ADCY3: variants seen among roughly 807,000 people sequenced by gnomAD.
ADCY3 encodes adenylate cyclase type 3.
In ADCY3, 70 loss-of-function variants were observed where a neutral mutation model predicts 119.4. The ratio of observed to expected loss-of-function variants is 0.59; its 90% CI spans 0.48 to 0.72. The LOEUF is 0.72. Among genes scored for constraint, ADCY3 ranks in the 30% least tolerant of loss-of-function variants. The probability of loss-of-function intolerance (pLI) is 0.00; values close to 1 mark genes in which losing one functional copy is unlikely to be tolerated. For missense variants in ADCY3, 1,238 were observed against 1,541.6 expected (o/e 0.80, Z 3.30); for synonymous variants, 672 against 621.4 (o/e 1.08, Z -1.21).
At chr2:24,826,683 T>C (rs11125802) in intron 15 of ADCY3, 84,488 of 152,832 alleles carry the variant, frequency 0.55, 24,501 homozygotes, top group Admixed American at 0.71. Flanking sequence ...ACAGTGCCAC[T>C]TTGGACATTC....
At chr2:24,824,982 G>A (rs1189937111) in intron 16 of ADCY3, among the ~76,000 whole-genome samples, 1 of 152,210 alleles carries the variant, frequency 6.6e-6, no homozygotes, top group Non-Finnish European at 1.5e-5. Context: ...GTAAGACCCT[G>A]CAAAGATTGC....
intron 7 of ADCY3, among the ~76,000 whole-genome samples, chr2:24,839,163 A>G (rs1385372277): frequency 6.6e-6 from 1 of 152,102 alleles, no homozygotes; most frequent in African/African-American, 2.4e-5. Flanking sequence ...GCTGGTCTCA[A>G]ACTCTTGACC....
chr2:24,849,798 TC>T (rs71397446), intron 3 of ADCY3, among the ~76,000 whole-genome samples: 3 of 151,536 alleles, frequency 2.0e-5, no homozygotes, highest in Non-Finnish European at 4.4e-5. Flanking sequence ...GGAGGGGCCC[TC>T]CCCCTGCCAC....
chr2:24,853,726 T>C (rs979480916), intron 3 of ADCY3, among the ~76,000 whole-genome samples: 1 of 152,190 alleles, frequency 6.6e-6, no homozygotes, highest in African/African-American at 2.4e-5. Flanking sequence ...CCTCAGGTGA[T>C]CTGCCTGCCT....
intron 2 of ADCY3, among the ~76,000 whole-genome samples, chr2:24,886,285 C>T (rs6545789): frequency 0.097 from 14,701 of 152,106 alleles, 2,320 homozygotes; most frequent in African/African-American, 0.33. Flanking sequence ...TTCACATGCG[C>T]CAAAGCAAAC....
chr2:24,896,293 G>A (rs982494429), intron 2 of ADCY3, among the ~76,000 whole-genome samples: 1 of 152,092 alleles, frequency 6.6e-6, no homozygotes, highest in African/African-American at 2.4e-5. Flanking sequence ...GCTGAGGCAG[G>A]AGAATCGCTT....
In ADCY3 at chr2:24,834,796, T is replaced by C; in HGVS notation, c.1803A>G (p.Gln601=). ...GGACGCTTCCGGGTGGCGCTTACAC[T>C]TGGGCGGACTCTCGCTCAAGCAGGG... is the stretch of plus-strand genomic sequence containing the variant. ...NEALLERESA[Q]VVKKRNTFLL... is the part of the protein sequence containing the mutation. The change falls in exon 10 of 22, where the codon CAA becomes CAG. Residue 601 remains glutamine, a splice_region_variant and synonymous_variant. Transcript: ENST00000679454. This position sits in a 1 kb window ranked among gnomAD's most constrained non-coding sequence, Gnocchi z 4.2. 1 of 1,613,162 alleles carries C rather than the reference T, an allele frequency of 6.2e-7. No homozygotes were observed. Among genetic ancestry groups the C allele is most frequent in the Non-Finnish European group, 8.5e-7 (1 of 1,179,560 alleles).
intron 2 of ADCY3, among the ~76,000 whole-genome samples, chr2:24,908,292 T>C (rs6736210): frequency 0.52 from 78,865 of 151,362 alleles, 22,646 homozygotes; most frequent in African/African-American, 0.78. Context: ...CATTGCACTC[T>C]GGCCTGGGCA....
In ADCY3 at chr2:24,919,019, A is replaced by G; in HGVS notation, c.-32T>C. The G allele has an allele frequency of 6.6e-7, 1 of 1,517,504 alleles. No homozygotes were observed. Among genetic ancestry groups the G allele is most frequent in the South Asian group, 1.2e-5 (1 of 80,872 alleles). 94.0% of individuals were successfully genotyped at this position (1,517,504 alleles called of 1,614,324 possible). The stretch of plus-strand genomic sequence containing the variant: ...TGGTGTCTGCTACTGGCCCTAGAGA[A>G]GTGGACTGGGAACGGAGGAAGAGCT... On this transcript the variant is annotated 5_prime_UTR_variant, in exon 2 of 22. Coordinates refer to ENST00000679454, the MANE Select transcript of ADCY3 (RefSeq NM_004036.5). The surrounding 1 kb of genome is among the most constrained non-coding windows in gnomAD (Gnocchi z 5.5).
chr2:24,854,312 C>T (rs538507906), intron 3 of ADCY3, among the ~76,000 whole-genome samples: 14 of 152,222 alleles, frequency 9.2e-5, no homozygotes, highest in Non-Finnish European at 2.1e-4. Flanking sequence ...AAAATCAGAA[C>T]ATCTGTCAGA....
intron 3 of ADCY3, among the ~76,000 whole-genome samples, chr2:24,867,548 T>C (rs1674448929): frequency 6.6e-6 from 1 of 152,230 alleles, no homozygotes; most frequent in Non-Finnish European, 1.5e-5. Context: ...TAAATTTCTG[T>C]TCTTTATAAA....
chr2:24,862,129 G>A (rs1673733836), intron 3 of ADCY3, among the ~76,000 whole-genome samples: 1 of 152,164 alleles, frequency 6.6e-6, no homozygotes, highest in Non-Finnish European at 1.5e-5. Context: ...GTACAGACAG[G>A]TATCCACCAC....
Position 24,828,120 on chromosome 2 carries a change from C to T in ADCY3, c.2214G>A (p.Thr738=), listed in dbSNP as rs766366885. 4 of 1,613,962 alleles carry T rather than the reference C, an allele frequency of 2.5e-6. No individual in the cohort carries two copies. In the African/African-American group the frequency reaches 5.3e-5, roughly 22 times the overall value. The change falls in exon 14 of 22, where the codon ACG becomes ACA. Residue 738 remains threonine (T), a synonymous_variant. Coordinates refer to ENST00000679454, the MANE Select transcript of ADCY3 (RefSeq NM_004036.5). The part of the protein sequence containing the change: ...LQYYTGPSNA[T]AGMETEGSCL... ...AGCTGCCCTCCGTTTCCATCCCTGC[C>T]GTTGCATTGCTGGGTCCCGTGTAGT... is the stretch of plus-strand genomic sequence containing the variant.
At chr2:24,907,012 T>C (rs1662926095) in intron 2 of ADCY3, among the ~76,000 whole-genome samples, 1 of 152,018 alleles carries the variant, frequency 6.6e-6, no homozygotes. Flanking sequence ...GCACCTGTAA[T>C]CCCAGCTACT....
At chr2:24,820,546 G>T in intron 21 of ADCY3, 178 bp downstream of exon 21, 1 of 1,398,916 alleles carries the variant, frequency 7.1e-7, no homozygotes, top group South Asian at 1.5e-5. Context: ...GGGTGGAAGT[G>T]TTTCTTCCTG....
chr2:24,824,083 C>G (rs906658637), intron 17 of ADCY3, among the ~76,000 whole-genome samples: 5 of 152,256 alleles, frequency 3.3e-5, no homozygotes, highest in Non-Finnish European at 7.3e-5. Context: ...CTGGGAACCA[C>G]TCTGTTTGGA....
intron 2 of ADCY3, among the ~76,000 whole-genome samples, chr2:24,886,284 G>A (rs983500455): frequency 2.4e-4 from 37 of 152,092 alleles, no homozygotes; most frequent in Admixed American, 1.8e-3. Flanking sequence ...CTTCACATGC[G>A]CCAAAGCAAA....
chr2:24,857,174 G>A (rs1206230544), intron 3 of ADCY3, among the ~76,000 whole-genome samples: 4 of 152,260 alleles, frequency 2.6e-5, no homozygotes, highest in Admixed American at 1.3e-4. Context: ...GAACATGTGG[G>A]ACTTCTGGTC....
At chr2:24,825,459 C>G (rs549275570) in intron 16 of ADCY3, among the ~76,000 whole-genome samples, 56 of 151,478 alleles carry the variant, frequency 3.7e-4, no homozygotes, top group Middle Eastern at 3.4e-3. Flanking sequence ...CTCAGCCTCT[C>G]AAGTAGCTGG....
Sources: gnomAD v4.1 joint callset for allele counts (sites outside exome capture counted in the v4.1 genomes callset) on GRCh38, gnomAD v4.1.1 for gene constraint, Gnocchi (gnomAD v3.1) non-coding constraint, MANE v1.5 for transcripts, NCBI Gene and HGNC (gene_info 2026-07-23, HGNC 2026-07-21) for gene names.